Variants in THSD4 observed in about 807,000 individuals in gnomAD.
The protein encoded by THSD4 is thrombospondin type 1 domain containing 4.
In THSD4, 69 loss-of-function variants were observed where a neutral mutation model predicts 119.0. The observed-to-expected ratio is 0.58, with a 90% CI of 0.48 to 0.71. The LOEUF (loss-of-function observed/expected upper bound fraction) is 0.71. THSD4 is among the 30% of genes least tolerant of loss of function. The pLI, the probability that THSD4 is intolerant of heterozygous loss-of-function variation, is 0.00. For synonymous variants in THSD4, 524 were observed against 540.4 expected, an observed-to-expected ratio of 0.97 and a Z score of 0.42; for missense variants, 1,393 against 1,391.1, an observed-to-expected ratio of 1.00 and a Z score of -0.02.
intron 4 of THSD4, among the ~76,000 whole-genome samples, chr15:71,221,165 C>T (rs1369296377): frequency 6.6e-6 from 1 of 152,164 alleles, no homozygotes; most frequent in Non-Finnish European, 1.5e-5. Context: ...AGACTTCCCC[C>T]TCAGTTTCTG....
chr15:71,574,620 G>C (rs1848989167), intron 7 of THSD4, among the ~76,000 whole-genome samples: 1 of 152,128 alleles, frequency 6.6e-6, no homozygotes, highest in Non-Finnish European at 1.5e-5. Flanking sequence ...GTCACACATA[G>C]GTTTGCATCT....
intron 7 of THSD4, among the ~76,000 whole-genome samples, chr15:71,429,910 C>T (rs1411691470): frequency 6.6e-6 from 1 of 152,130 alleles, no homozygotes; most frequent in Non-Finnish European, 1.5e-5. Flanking sequence ...CACAGGCAAA[C>T]AGATCTTTAA....
At chr15:71,308,260 A>G (rs1295276669) in intron 6 of THSD4, among the ~76,000 whole-genome samples, 1 of 152,240 alleles carries the variant, frequency 6.6e-6, no homozygotes, top group African/African-American at 2.4e-5. Context: ...AGGTTTGAGC[A>G]TCGCAGGCCT....
intron 6 of THSD4, among the ~76,000 whole-genome samples, chr15:71,382,227 C>T (rs7180806): frequency 0.48 from 72,874 of 151,914 alleles, 18,417 homozygotes; most frequent in East Asian, 0.69. Context: ...GAAAGTGTTT[C>T]GGTAAAACAC....
At chr15:71,281,052 C>G (rs2140313768) in intron 6 of THSD4, among the ~76,000 whole-genome samples, 1 of 152,346 alleles carries the variant, frequency 6.6e-6, no homozygotes, top group Admixed American at 6.5e-5. Context: ...AGATACGCCC[C>G]ATGTCCCTGC....
At chr15:71,552,788 A>G (rs1333560719) in intron 7 of THSD4, among the ~76,000 whole-genome samples, 1 of 152,202 alleles carries the variant, frequency 6.6e-6, no homozygotes, top group East Asian at 1.9e-4. Flanking sequence ...CTGGGATTAC[A>G]GGTGCCCGCC....
intron 6 of THSD4, among the ~76,000 whole-genome samples, chr15:71,331,831 G>A (rs558203788): frequency 1.2e-4 from 8 of 66,254 alleles, no homozygotes; most frequent in Admixed American, 9.7e-4. Flanking sequence ...TCCCCACCCC[G>A]TGACATTGGA....
At chr15:71,539,798 T>C (rs1416227755) in intron 7 of THSD4, among the ~76,000 whole-genome samples, 1 of 152,220 alleles carries the variant, frequency 6.6e-6, no homozygotes, top group Non-Finnish European at 1.5e-5. Context: ...ATCCGTTCTC[T>C]TGTTTGGCAT....
intron 7 of THSD4, among the ~76,000 whole-genome samples, chr15:71,601,311 A>T (rs950526429): frequency 6.6e-5 from 10 of 152,188 alleles, no homozygotes; most frequent in African/African-American, 2.4e-4. Context: ...GAATTGATGC[A>T]TTTATGAAAT....
chr15:71,524,478 A>G (rs2048487131), intron 7 of THSD4, among the ~76,000 whole-genome samples: 1 of 152,002 alleles, frequency 6.6e-6, no homozygotes. Context: ...GAAGGATGCT[A>G]AGCTGCAGGA....
At chr15:71,340,551 C>T (rs2045552506) in intron 6 of THSD4, among the ~76,000 whole-genome samples, 1 of 151,860 alleles carries the variant, frequency 6.6e-6, no homozygotes, top group Non-Finnish European at 1.5e-5. Context: ...CCTTCCACTT[C>T]CTAGGCTGTC....
At chr15:71,439,200 C>T (rs746739136) in intron 7 of THSD4, among the ~76,000 whole-genome samples, 7 of 152,238 alleles carry the variant, frequency 4.6e-5, no homozygotes, top group South Asian at 2.1e-4. Context: ...AGTAAATAGG[C>T]GGTATCTTTC....
At chr15:71,415,151 A>T (rs142799672) in intron 7 of THSD4, among the ~76,000 whole-genome samples, 383 of 152,368 alleles carry the variant, frequency 2.5e-3, no homozygotes, top group African/African-American at 8.8e-3. Context: ...TCCTGGCCAC[A>T]TAGAGTTGAA....
chr15:71,454,028 A>G (rs1005516095), intron 7 of THSD4, among the ~76,000 whole-genome samples: 2 of 152,228 alleles, frequency 1.3e-5, no homozygotes, highest in Non-Finnish European at 2.9e-5. Flanking sequence ...AGGCCAAGGC[A>G]GATGGATCAC....
Position 71,781,091 on chromosome 15 carries a change from A to G in THSD4, c.*3717A>G, listed in dbSNP as rs1439849067. On this transcript the variant is annotated 3_prime_UTR_variant, in exon 18 of 18. Transcript: ENST00000261862. ...TATATCAGCCTTGTGGGTGGAGACT[A>G]GTATTTGATCCTTGCCATATAAAAC... The G allele has an allele frequency of 1.5e-5, 4 of 262,462 alleles. No homozygotes were observed. Among genetic ancestry groups the G allele is most frequent in the South Asian group, 8.6e-5 (2 of 23,316 alleles). The allele number at this position is 262,462 out of a possible 1,614,324, so 16.3% of individuals were successfully genotyped here.
At chr15:71,771,520 A>T (rs180687223) in intron 17 of THSD4, among the ~76,000 whole-genome samples, 184 of 152,302 alleles carry the variant, frequency 1.2e-3, no homozygotes, top group Non-Finnish European at 1.8e-3. Context: ...TTTTAATTGT[A>T]GGTGCAAACC....
chr15:71,735,362 G>A (rs563332808), intron 10 of THSD4, among the ~76,000 whole-genome samples: 1 of 152,116 alleles, frequency 6.6e-6, no homozygotes, highest in South Asian at 2.1e-4. Context: ...ACATTGTCTG[G>A]TACACCTAAG....
chr15:71,259,028 G>C (rs564353051), intron 6 of THSD4, among the ~76,000 whole-genome samples: 1 of 152,074 alleles, frequency 6.6e-6, no homozygotes, highest in South Asian at 2.1e-4. Context: ...CAGGAGAATC[G>C]CTTGAACCTG....
At chr15:71,559,692 A>C (rs1258965129) in intron 7 of THSD4, among the ~76,000 whole-genome samples, 1 of 152,178 alleles carries the variant, frequency 6.6e-6, no homozygotes, top group Non-Finnish European at 1.5e-5. Flanking sequence ...AACATTAATA[A>C]GATAATGTTC....
Sources: allele counts gnomAD v4.1 joint callset (sites outside exome capture counted in the v4.1 genomes callset), GRCh38; gene constraint gnomAD v4.1.1; transcripts MANE v1.5; gene names NCBI Gene and HGNC (gene_info 2026-07-23, HGNC 2026-07-21).